The following RAB28 variants were observed in gnomAD, a reference collection of about 807,000 sequenced individuals.
RAB28 encodes RAB28, member RAS oncogene family, also known as ras-related protein Rab-28.
In RAB28, 24 loss-of-function variants were observed where a neutral mutation model predicts 31.7. That is an observed-to-expected ratio of 0.76 (90% CI 0.55 to 1.06). The LOEUF is 1.06. RAB28 is among the 50% of genes least tolerant of loss of function. The probability of loss-of-function intolerance (pLI) is 0.00; values close to 1 mark genes in which losing one functional copy is unlikely to be tolerated. For missense variants in RAB28, 254 were observed against 258.5 expected (o/e 0.98, Z 0.12); for synonymous variants, 100 against 90.4 (o/e 1.11, Z -0.60).
chr4:13,370,923 A>T, intron 6 of RAB28: 3 of 969,678 alleles, frequency 3.1e-6, no homozygotes, highest in Non-Finnish European at 3.7e-6. Context: ...CATATGTGAC[A>T]AATATGTATG....
chr4:13,435,151 C>CAA (rs763520868), intron 4 of RAB28, among the ~76,000 whole-genome samples: 2 of 143,642 alleles, frequency 1.4e-5, no homozygotes, highest in African/African-American at 5.1e-5. Context: ...AAAATTAAGG[C>CAA]AAAAAAAAAA....
At chr4:13,372,607 G>A (rs1278678527) in intron 6 of RAB28, among the ~76,000 whole-genome samples, 2 of 152,058 alleles carry the variant, frequency 1.3e-5, no homozygotes, top group Non-Finnish European at 2.9e-5. Flanking sequence ...AGAGTAGTAT[G>A]TACAAAATGA....
intron 4 of RAB28, among the ~76,000 whole-genome samples, chr4:13,386,353 T>G (rs540999962): frequency 6.6e-6 from 1 of 152,086 alleles, no homozygotes; most frequent in African/African-American, 2.4e-5. Context: ...GTTTGCAAAC[T>G]ATGCATCTGA....
In RAB28 at chr4:13,395,734, C is replaced by T. The variant is rs535450431; in HGVS notation, c.392-14140G>A. ...AGCTACTGATAGATTTGTATCAGCTCTGTACATTTCACAGATCAGAGCTAC... is the reference window on the plus strand; with the variant it reads ...AGCTACTGATAGATTTGTATCAGCTTTGTACATTTCACAGATCAGAGCTAC... On this transcript the variant is annotated intron_variant, in intron 4 of 6. Transcript: ENST00000330852. Among the ~76,000 whole-genome samples, 4 of 152,162 alleles carry T rather than the reference C, an allele frequency of 2.6e-5. No homozygotes were observed. In the South Asian group the frequency reaches 8.3e-4, roughly 32 times the overall value.
intron 6 of RAB28, among the ~76,000 whole-genome samples, chr4:13,369,557 TG>T (rs2108871856): frequency 6.6e-6 from 1 of 152,118 alleles, no homozygotes; most frequent in South Asian, 2.1e-4. Context: ...TCAGGAAAAA[TG>T]GTAAGGAATG....
At chr4:13,455,020 G>A (rs180831606) in intron 4 of RAB28, among the ~76,000 whole-genome samples, 8 of 152,330 alleles carry the variant, frequency 5.3e-5, no homozygotes, top group Non-Finnish European at 1.0e-4. Context: ...GCTAGCCTAG[G>A]AGGATATTTG....
At chr4:13,436,840 T>C (rs920295795) in intron 4 of RAB28, among the ~76,000 whole-genome samples, 5 of 152,178 alleles carry the variant, frequency 3.3e-5, no homozygotes, top group Admixed American at 6.5e-5. Context: ...AATGCCATTT[T>C]TCATAGAATT....
intron 2 of RAB28, among the ~76,000 whole-genome samples, chr4:13,477,168 CT>C (rs1232021603): frequency 1.3e-5 from 2 of 151,546 alleles, no homozygotes; most frequent in African/African-American, 4.8e-5. Context: ...GAATCTCTGA[CT>C]AACAGATACA....
chr4:13,415,667 C>G (rs1170482536), intron 4 of RAB28, among the ~76,000 whole-genome samples: 1 of 152,274 alleles, frequency 6.6e-6, no homozygotes, highest in Non-Finnish European at 1.5e-5. Flanking sequence ...CCTCCAACCA[C>G]GCCACCCTGG....
At chr4:13,427,121 T>A (rs1405708402) in intron 4 of RAB28, among the ~76,000 whole-genome samples, 1 of 152,112 alleles carries the variant, frequency 6.6e-6, no homozygotes, top group Middle Eastern at 3.2e-3. Context: ...ATTATTGAGG[T>A]TTTTCTCATT....
At chr4:13,375,461 T>C (rs1728881557) in intron 6 of RAB28, among the ~76,000 whole-genome samples, 1 of 152,088 alleles carries the variant, frequency 6.6e-6, no homozygotes, top group African/African-American at 2.4e-5. Flanking sequence ...ACAGAGAAGC[T>C]AAAAAGCAAA....
intron 5 of RAB28, among the ~76,000 whole-genome samples, chr4:13,377,995 TTC>T (rs1358895683): frequency 6.6e-6 from 1 of 152,140 alleles, no homozygotes; most frequent in Non-Finnish European, 1.5e-5. Context: ...AAGAGCTCAG[TTC>T]TAAACATGTT....
intron 4 of RAB28, among the ~76,000 whole-genome samples, chr4:13,387,273 T>C (rs768860336): frequency 1.3e-5 from 2 of 152,092 alleles, no homozygotes; most frequent in Non-Finnish European, 2.9e-5. Flanking sequence ...GAAGTTAACA[T>C]GATTAGCAAG....
intron 6 of RAB28, among the ~76,000 whole-genome samples, chr4:13,375,335 A>G (rs1728876412): frequency 6.6e-6 from 1 of 152,222 alleles, no homozygotes; most frequent in Non-Finnish European, 1.5e-5. Context: ...GGGACATTTT[A>G]AAGTCTTTTA....
rs572576440 is a variant in RAB28, at chr4:13,479,761, C to T, written c.76-235G>A. 9.9e-5 allele frequency among the ~76,000 whole-genome samples: 15 copies of T among 151,462 alleles called. No homozygotes were observed. The South Asian group carries it at 2.7e-3, about 27-fold the overall frequency. ...TAATGAGTTAGATCTCTTTAAATCC[C>T]CTGCTTGTCAAGATCCTTTTCCTTG... On this transcript the variant is annotated intron_variant, in intron 1 of 6. Transcript: ENST00000330852.
At chr4:13,447,775 C>T (rs140448222) in intron 4 of RAB28, among the ~76,000 whole-genome samples, 414 of 152,138 alleles carry the variant, frequency 2.7e-3, no homozygotes, top group African/African-American at 9.5e-3. Context: ...ATATACCATA[C>T]ATGCAAACAG....
intron 2 of RAB28, among the ~76,000 whole-genome samples, chr4:13,476,192 AC>A (rs1716352307): frequency 6.6e-6 from 1 of 151,574 alleles, no homozygotes; most frequent in East Asian, 1.9e-4. Context: ...GAACACTTTG[AC>A]TGTAATTTTA....
intron 4 of RAB28, among the ~76,000 whole-genome samples, chr4:13,401,440 G>T (rs533177055): frequency 6.6e-6 from 1 of 152,070 alleles, no homozygotes; most frequent in African/African-American, 2.4e-5. Context: ...ACGGGTTGAT[G>T]GGTGCAGCAA....
At chr4:13,370,569 GTAAT>G (rs1054425284) in intron 6 of RAB28, 16 of 952,364 alleles carry the variant, frequency 1.7e-5, no homozygotes, top group Admixed American at 6.2e-5. Flanking sequence ...AGAGGAAGGA[GTAAT>G]TAATTATCTT....
Sources: allele counts gnomAD v4.1 joint callset (sites outside exome capture counted in the v4.1 genomes callset), GRCh38; gene constraint gnomAD v4.1.1; transcripts MANE v1.5; gene names NCBI Gene and HGNC (gene_info 2026-07-23, HGNC 2026-07-21).